The following AKNA variants were observed in gnomAD, a reference collection of about 807,000 sequenced individuals.
AKNA encodes the protein AT-hook transcription factor.
In AKNA, 67 loss-of-function variants were observed where a neutral mutation model predicts 138.8. The observed-to-expected ratio is 0.48, with a 90% CI of 0.40 to 0.59. The LOEUF (loss-of-function observed/expected upper bound fraction) is 0.59. Ranked by LOEUF, AKNA falls within the 20% of genes least tolerant of loss-of-function variation. The probability of loss-of-function intolerance (pLI) is 0.00; values close to 1 mark genes in which losing one functional copy is unlikely to be tolerated. For missense variants in AKNA, 1,813 were observed against 1,880.4 expected, an observed-to-expected ratio of 0.96 and a Z score of 0.66; for synonymous variants, 737 against 754.4, an observed-to-expected ratio of 0.98 and a Z score of 0.38.
rs114238551 is a variant in AKNA, at chr9:114,362,324, C to A, written c.1916+82G>T. The A allele has an allele frequency of 3.4e-4, 500 of 1,479,060 alleles. 4 individuals carry two copies. In the African/African-American group the frequency reaches 5.7e-3, roughly 17 times the overall value. 91.6% of individuals were successfully genotyped at this position (1,479,060 alleles called of 1,614,324 possible). A position where few individuals can be genotyped will look rare whatever the true frequency, so the allele number is the denominator to read the frequency against. On this transcript the variant is annotated intron_variant, in intron 8 of 21. Coordinates refer to ENST00000374088, the MANE Select transcript of AKNA (RefSeq NM_001317950.2). ...ATTCCCCGTGTACAAATTATAAGGA[C>A]AAAGTGCCTCCCTCCTGGAGACTGA...
intron 14 of AKNA, among the ~76,000 whole-genome samples, chr9:114,355,239 G>A (rs186566389): frequency 5.3e-5 from 8 of 150,092 alleles, no homozygotes; most frequent in African/African-American, 1.5e-4. Context: ...GCAATGGCAC[G>A]ATTGCAGCTC....
At chr9:114,331,171 A>T (rs1366719681), downstream of AKNA, among the ~76,000 whole-genome samples, 1 of 152,058 alleles carries the variant, frequency 6.6e-6, no homozygotes, top group Non-Finnish European at 1.5e-5. Context: ...ATCCTTTGCA[A>T]ACCAATGGTA....
intron 1 of AKNA, among the ~76,000 whole-genome samples, chr9:114,385,843 C>G (rs1833993224): frequency 6.6e-6 from 1 of 152,252 alleles, no homozygotes; most frequent in Admixed American, 6.5e-5. Context: ...CTGCCAACCT[C>G]AGGCTGGGAC....
At chr9:114,394,955 G>C (rs1483605981), upstream of AKNA, among the ~76,000 whole-genome samples, 2 of 152,214 alleles carry the variant, frequency 1.3e-5, no homozygotes, top group Non-Finnish European at 2.9e-5. Context: ...GCTGGCAGTG[G>C]GGGGGCTGGG....
At chr9:114,358,880 C>T (rs938515017) in intron 11 of AKNA, among the ~76,000 whole-genome samples, 6 of 151,744 alleles carry the variant, frequency 4.0e-5, no homozygotes, top group South Asian at 2.1e-4. Flanking sequence ...TGTTAAATGA[C>T]GAGTTAATGG....
At chr9:114,337,348 C>A in intron 21 of AKNA, 42 bp from the exon 22 acceptor site, 1 of 1,393,258 alleles carries the variant, frequency 7.2e-7, no homozygotes, top group Non-Finnish European at 9.4e-7. Flanking sequence ...ATGGGGAGGG[C>A]TGGGGACAAG....
At chr9:114,368,667 A>C in intron 4 of AKNA, 72 bp from the exon 5 acceptor site, 1 of 1,231,972 alleles carries the variant, frequency 8.1e-7, no homozygotes, top group South Asian at 3.4e-5. Flanking sequence ...CCTCATCTTC[A>C]TTCAGGAGCT....
Position 114,358,445 on chromosome 9 carries a change from T to C in AKNA, c.2493-278A>G, listed in dbSNP as rs566341178. On this transcript the variant is annotated intron_variant, in intron 11 of 21. Transcript: ENST00000374088. ...AGCAGCATTTCCCAGACTTAAGGAG[T>C]TTGCATACCACCTTCCCTATTTCAG... The C allele has an allele frequency of 1.2e-4, 51 of 416,050 alleles. 2 individuals are homozygous for C. The South Asian group carries it at 1.6e-3, about 13-fold the overall frequency. The allele number at this position is 416,050 out of a possible 1,614,324, so 25.8% of individuals were successfully genotyped here. A position where few individuals can be genotyped will look rare whatever the true frequency, so the allele number is the denominator to read the frequency against.
chr9:114,333,926 G>C (rs1457707646), downstream of AKNA, among the ~76,000 whole-genome samples: 2 of 147,180 alleles, frequency 1.4e-5, no homozygotes, highest in African/African-American at 2.6e-5. Context: ...ATTGTATCAC[G>C]GGGCTGGTTT....
chr9:114,360,178 T>A, intron 9 of AKNA, 116 bp from the exon 10 acceptor site: 1 of 1,254,796 alleles, frequency 8.0e-7, no homozygotes, highest in Non-Finnish European at 1.1e-6. Flanking sequence ...CACATTAGAC[T>A]CACTAAGCCC....
upstream of AKNA, among the ~76,000 whole-genome samples, chr9:114,390,077 C>T (rs1341988714): frequency 6.6e-6 from 1 of 152,182 alleles, no homozygotes; most frequent in African/African-American, 2.4e-5. Context: ...TGGTCATTAA[C>T]CCAGGCAGCA....
upstream of AKNA, among the ~76,000 whole-genome samples, chr9:114,396,218 G>A (rs1834529173): frequency 6.6e-6 from 1 of 152,150 alleles, no homozygotes; most frequent in Non-Finnish European, 1.5e-5. Context: ...CTGGCACAGC[G>A]GCTAGAATGT....
At chr9:114,387,486 G>A (rs905829617) in intron 1 of AKNA, among the ~76,000 whole-genome samples, 72 of 152,326 alleles carry the variant, frequency 4.7e-4, no homozygotes, top group African/African-American at 1.7e-3. Context: ...CCCCGGCGCC[G>A]TCGCTGCCTC....
At chr9:114,360,593 C>T (rs1831876777) in intron 9 of AKNA, among the ~76,000 whole-genome samples, 1 of 152,112 alleles carries the variant, frequency 6.6e-6, no homozygotes. Flanking sequence ...CCCTCTAGGC[C>T]AGAGCACAGC....
chr9:114,383,168 G>T (rs974623960), intron 1 of AKNA: 1 of 456,016 alleles, frequency 2.2e-6, no homozygotes, highest in South Asian at 1.5e-5. Context: ...GGCTGCTCTG[G>T]GAGAATGAAC....
At chr9:114,379,033 T>C (rs1414961066) in intron 2 of AKNA, among the ~76,000 whole-genome samples, 1 of 152,240 alleles carries the variant, frequency 6.6e-6, no homozygotes, top group East Asian at 1.9e-4. Flanking sequence ...TACAGCAGCA[T>C]ACTTGAAGCC....
intron 2 of AKNA, 91 bp from the exon 3 acceptor site, chr9:114,377,623 ATT>A: frequency 7.7e-7 from 1 of 1,303,364 alleles, no homozygotes; most frequent in South Asian, 1.5e-5. Flanking sequence ...TCTGGCTTCC[ATT>A]TCCTCATCAC....
intron 21 of AKNA, 127 bp from the exon 22 acceptor site, chr9:114,337,433 C>T (rs1830072525): frequency 2.0e-6 from 2 of 982,946 alleles, no homozygotes; most frequent in Non-Finnish European, 2.7e-6. Flanking sequence ...CTCTGGGTCT[C>T]AGTTTCTTTA....
chr9:114,331,839 G>A (rs148394636), downstream of AKNA: 19,129 of 1,613,502 alleles, frequency 0.012, 2,182 homozygotes, highest in African/African-American at 0.23. Context: ...ACAAGCCAGA[G>A]ACGACCAAGG....
Sources: gnomAD v4.1 joint callset for allele counts (sites outside exome capture counted in the v4.1 genomes callset) on GRCh38, gnomAD v4.1.1 for gene constraint, MANE v1.5 for transcripts, NCBI Gene and HGNC (gene_info 2026-07-23, HGNC 2026-07-21) for gene names.